Variants in DLGAP3 observed in about 807,000 individuals in gnomAD.
The protein encoded by DLGAP3 is disks large-associated protein 3.
Under a neutral mutation model 81.2 loss-of-function variants are expected in DLGAP3, and 17 were observed. That is an observed-to-expected ratio of 0.21 (90% confidence interval 0.14 to 0.31). The LOEUF (loss-of-function observed/expected upper bound fraction) is 0.31, where lower values mean the gene tolerates loss of function less well. Ranked by LOEUF, DLGAP3 falls within the 10% of genes least tolerant of loss-of-function variation. The probability of loss-of-function intolerance (pLI) is 1.00; values close to 1 mark genes in which losing one functional copy is unlikely to be tolerated. For synonymous variants in DLGAP3, 577 were observed against 587.4 expected, an observed-to-expected ratio of 0.98 and a Z score of 0.26; for missense variants, 1,124 against 1,388.0, an observed-to-expected ratio of 0.81 and a Z score of 3.02.
At chr1:34,899,062 G>A (rs540010762) in intron 5 of DLGAP3, among the ~76,000 whole-genome samples, 12 of 151,350 alleles carry the variant, frequency 7.9e-5, no homozygotes, top group African/African-American at 1.9e-4. Context: ...CTTGGCCTGC[G>A]CCCTGTCTGT....
intron 1 of DLGAP3, among the ~76,000 whole-genome samples, chr1:34,910,740 C>G (rs1174153148): frequency 6.6e-6 from 1 of 152,172 alleles, no homozygotes; most frequent in Admixed American, 6.5e-5. Context: ...TCAGATCCCC[C>G]TGCTGTTTGC....
At chr1:34,875,892 A>C (rs1164223541) in intron 8 of DLGAP3, among the ~76,000 whole-genome samples, 1 of 152,162 alleles carries the variant, frequency 6.6e-6, no homozygotes, top group Non-Finnish European at 1.5e-5. Context: ...CCCAAATGTC[A>C]CTTCCCAGGG....
At chr1:34,898,758 C>A (rs1383482993) in intron 5 of DLGAP3, among the ~76,000 whole-genome samples, 1 of 152,202 alleles carries the variant, frequency 6.6e-6, no homozygotes. Flanking sequence ...AATTCAACCC[C>A]ATCTCATGTG....
At chr1:34,894,068 G>A (rs575956419) in intron 5 of DLGAP3, among the ~76,000 whole-genome samples, 81 of 152,240 alleles carry the variant, frequency 5.3e-4, no homozygotes, top group African/African-American at 1.9e-3. Flanking sequence ...TGTGTCTCTA[G>A]TTCCAGCTAC....
intron 3 of DLGAP3, among the ~76,000 whole-genome samples, chr1:34,901,796 A>G (rs1419226349): frequency 6.6e-6 from 1 of 152,256 alleles, no homozygotes; most frequent in Non-Finnish European, 1.5e-5. Context: ...GTAGGTGTCT[A>G]TGCTCTAAGA....
At chr1:34,919,779 C>CAAAAGAAAAG (rs57269571) in intron 1 of DLGAP3, among the ~76,000 whole-genome samples, 13 of 151,646 alleles carry the variant, frequency 8.6e-5, no homozygotes, top group African/African-American at 2.4e-4. Context: ...GACCCCATCT[C>CAAAAGAAAAG]AAAAGAAAAG....
At chr1:34,928,748 C>G (rs1025243180) in intron 1 of DLGAP3, among the ~76,000 whole-genome samples, 1 of 151,884 alleles carries the variant, frequency 6.6e-6, no homozygotes, top group African/African-American at 2.4e-5. Flanking sequence ...CACACACACA[C>G]AGTCACACAG....
At chr1:34,906,045 T>C (rs1034236979) in intron 2 of DLGAP3, among the ~76,000 whole-genome samples, 1 of 139,164 alleles carries the variant, frequency 7.2e-6, no homozygotes, top group Non-Finnish European at 1.6e-5. Context: ...TGTTTGTTTT[T>C]ATATTTGTAA....
In DLGAP3 at chr1:34,905,350, G is replaced by A. The variant is rs752490444; in HGVS notation, c.34C>T (p.Pro12Ser). ...RGYHGDRGSHPRPARFADQQH... is the reference protein window; with the variant it reads ...RGYHGDRGSHSRPARFADQQH... ...TGGTCAGCAAAGCGGGCTGGGCGGGGATGGCTGCCTCGGTCGCCATGGTAA... is the reference window on the plus strand; with the variant it reads ...TGGTCAGCAAAGCGGGCTGGGCGGGAATGGCTGCCTCGGTCGCCATGGTAA... The change falls in exon 3 of 12, where the codon CCC becomes TCC. Residue 12 changes from proline (P) to serine (S), a missense_variant. Transcript: ENST00000373347. 1.3e-6 allele frequency: 2 copies of A among 1,556,928 alleles called. No individual in the cohort carries two copies. Among genetic ancestry groups the A allele is most frequent in the Non-Finnish European group, 1.7e-6 (2 of 1,150,192 alleles).
At chr1:34,920,933 G>T (rs185858804) in intron 1 of DLGAP3, among the ~76,000 whole-genome samples, 10 of 152,344 alleles carry the variant, frequency 6.6e-5, no homozygotes, top group African/African-American at 2.4e-4. Context: ...ATGGAGTGAG[G>T]AGATAGAATG....
At position 34,865,769 on chromosome 1, in the gene DLGAP3, GC is replaced by G. The variant is rs2148389157; in HGVS notation, c.*313del. The G allele has an allele frequency of 2.3e-6, 1 of 433,172 alleles. No homozygotes were observed. The highest frequency in any genetic ancestry group is 2.1e-5 in the African/African-American group (1 of 46,532). 26.8% of individuals were successfully genotyped at this position (433,172 alleles called of 1,614,324 possible). ...CAGATGAGGGACCCGGCCCGGCCTG[GC>G]CCGTGGGGGAAAGAATGGCAGAGAT... On this transcript the variant is annotated 3_prime_UTR_variant, in exon 12 of 12. Transcript: ENST00000373347.
intron 1 of DLGAP3, among the ~76,000 whole-genome samples, chr1:34,913,084 C>T (rs962777204): frequency 1.3e-5 from 2 of 152,142 alleles, no homozygotes; most frequent in African/African-American, 2.4e-5. Context: ...TCCTTAGGAC[C>T]CCAAGGGAAA....
In DLGAP3 at chr1:34,905,071, A is replaced by C; in HGVS notation, c.313T>G (p.Cys105Gly). The C allele has an allele frequency of 1.9e-6, 3 of 1,596,874 alleles. No individual in the cohort carries two copies. The highest frequency in any genetic ancestry group is 2.6e-6 in the Non-Finnish European group (3 of 1,171,732). The change falls in exon 3 of 12, where the codon TGT becomes GGT. Residue 105 changes from cysteine to glycine, a missense_variant. This residue lies in a region of DLGAP3 where 167 missense variants were observed against 172.1 expected (regional missense o/e 0.97). Transcript: ENST00000373347. ...CCCTTGCCCTGTGGGTGGCCCACAC[A>C]GTCTTCACAGGTGTCGAAGGGGCCC... is the stretch of plus-strand genomic sequence containing the variant. Reference protein sequence around the residue: ...GQGPFDTCEDCVGHPQGKGAP... With the variant: ...GQGPFDTCEDGVGHPQGKGAP...
intron 5 of DLGAP3, among the ~76,000 whole-genome samples, chr1:34,889,223 A>G (rs368863352): frequency 6.6e-5 from 10 of 152,120 alleles, no homozygotes; most frequent in Non-Finnish European, 1.2e-4. Context: ...CTCACAACCA[A>G]TTCTATCCAA....
chr1:34,886,939 C>T (rs576296826), intron 5 of DLGAP3, among the ~76,000 whole-genome samples: 2 of 141,476 alleles, frequency 1.4e-5, no homozygotes, highest in Admixed American at 7.4e-5. Flanking sequence ...CCTTCCCCCA[C>T]CTTCTTTTTT....
In DLGAP3 at chr1:34,866,319, T is replaced by TCGCTGAGCTGGGGCGC; in HGVS notation, c.2722-34_2722-19dup. The TCGCTGAGCTGGGGCGC allele has an allele frequency of 2.0e-6, 3 of 1,498,080 alleles. No homozygotes were observed. In the African/African-American group the frequency reaches 4.2e-5, roughly 21 times the overall value. 92.8% of individuals were successfully genotyped at this position (1,498,080 alleles called of 1,614,324 possible). On this transcript the variant is annotated intron_variant, in intron 11 of 11. Coordinates refer to ENST00000373347, the MANE Select transcript of DLGAP3 (RefSeq NM_001080418.3). ...TTCTCCTCCTGCGGGGCAGAGGGCG[T>TCGCTGAGCTGGGGCGC]CGCTGAGCTGGGGCGCCGAACCATC...
In DLGAP3 at chr1:34,899,953, C is replaced by T. The variant is rs192198382; in HGVS notation, c.1313+115G>A. On this transcript the variant is annotated intron_variant, in intron 4 of 11. Transcript: ENST00000373347. Reference sequence around the variant, plus strand: ...CCTTTACATGGAGTGGAGTGAGACACCCCAGTTGAAACCTAAGCAGGACTA... The same window carrying T: ...CCTTTACATGGAGTGGAGTGAGACATCCCAGTTGAAACCTAAGCAGGACTA... 3 of 985,912 alleles carry T rather than the reference C, an allele frequency of 3.0e-6. No individual in the cohort carries two copies. The African/African-American group carries it at 4.8e-5, about 16-fold the overall frequency. The allele number at this position is 985,912 out of a possible 1,614,324, so 61.1% of individuals were successfully genotyped here.
At chr1:34,869,133 GCCAGC>G in intron 8 of DLGAP3, 44 bp from the exon 9 acceptor site, 1 of 1,445,632 alleles carries the variant, frequency 6.9e-7, no homozygotes, top group Non-Finnish European at 9.4e-7. Context: ...CCAGGCTCAT[GCCAGC>G]TCTCACCCCC....
chr1:34,900,340 C>T lies in DLGAP3; in HGVS notation c.1108-67G>A. 1.3e-6 allele frequency: 2 copies of T among 1,532,526 alleles called. No individual in the cohort carries two copies. Among genetic ancestry groups the T allele is most frequent in the East Asian group, 2.2e-5 (1 of 44,530 alleles). 94.9% of individuals were successfully genotyped at this position (1,532,526 alleles called of 1,614,324 possible). A position where few individuals can be genotyped will look rare whatever the true frequency, so the allele number is the denominator to read the frequency against. On this transcript the variant is annotated intron_variant, in intron 3 of 11. Transcript: ENST00000373347. The surrounding 1 kb of genome is among the most constrained non-coding windows in gnomAD (Gnocchi z 5.6). Reference sequence around the variant, plus strand: ...TAAATCTAGAGGCCAGGACTCTTTCCCCACTGCCAGTGGGAGATGCCCTGC... The same window carrying T: ...TAAATCTAGAGGCCAGGACTCTTTCTCCACTGCCAGTGGGAGATGCCCTGC...
Sources: allele counts gnomAD v4.1 joint callset (sites outside exome capture counted in the v4.1 genomes callset), GRCh38; gene constraint gnomAD v4.1.1; regional missense constraint gnomAD v4.1.1; non-coding constraint Gnocchi (gnomAD v3.1); transcripts MANE v1.5; gene names NCBI Gene and HGNC (gene_info 2026-07-23, HGNC 2026-07-21).